KDM7A: variants seen among roughly 807,000 people sequenced by gnomAD.
KDM7A encodes the protein lysine demethylase 7A.
In KDM7A, 28 loss-of-function variants were observed where a neutral mutation model predicts 114.8. That is an observed-to-expected ratio of 0.24 (90% CI 0.18 to 0.33). KDM7A has a LOEUF of 0.33. Ranked by LOEUF, KDM7A falls within the 10% of genes least tolerant of loss-of-function variation. The pLI, the probability that KDM7A is intolerant of heterozygous loss-of-function variation, is 1.00. For synonymous variants in KDM7A, 423 were observed against 397.8 expected, an observed-to-expected ratio of 1.06 and a Z score of -0.75; for missense variants, 942 against 1,142.5, an observed-to-expected ratio of 0.82 and a Z score of 2.53.
intron 1 of KDM7A, among the ~76,000 whole-genome samples, chr7:140,167,959 T>A (rs916802928): frequency 2.0e-5 from 3 of 151,676 alleles, no homozygotes; most frequent in Non-Finnish European, 4.4e-5. Flanking sequence ...GAAAAAAAAA[T>A]GTAACCAGAT....
chr7:140,097,869 T>C (rs1302077069), intron 14 of KDM7A, among the ~76,000 whole-genome samples: 2 of 152,244 alleles, frequency 1.3e-5, no homozygotes, highest in African/African-American at 2.4e-5. Context: ...AAGTGTGGTA[T>C]TTCCATAATT....
chr7:140,162,926 G>A (rs1006418238), intron 1 of KDM7A, among the ~76,000 whole-genome samples: 9 of 151,578 alleles, frequency 5.9e-5, no homozygotes, highest in African/African-American at 2.2e-4. Context: ...TGTACATGCT[G>A]ATATGAGAAG....
At position 140,125,051 on chromosome 7, in the gene KDM7A, C is replaced by T. The variant is rs1452140506; in HGVS notation, c.889-268G>A. Reference sequence around the variant, plus strand: ...TGCAAGACAGGAGGGCAGAGAAGCACAAACATCCCACTGACCTCCTCTCAT... The same window carrying T: ...TGCAAGACAGGAGGGCAGAGAAGCATAAACATCCCACTGACCTCCTCTCAT... On this transcript the variant is annotated intron_variant, in intron 6 of 19. Transcript: ENST00000397560. Among the ~76,000 whole-genome samples the T allele has an allele frequency of 1.3e-5, 2 of 152,162 alleles. 1 individual carries two copies. The highest frequency in any genetic ancestry group is 2.9e-5 in the Non-Finnish European group (2 of 68,012).
chr7:140,139,785 T>TA (rs1341464526), intron 1 of KDM7A, among the ~76,000 whole-genome samples: 1 of 152,106 alleles, frequency 6.6e-6, no homozygotes, highest in African/African-American at 2.4e-5. Context: ...TTGAAAAGAT[T>TA]AACAAAGCTG....
chr7:140,099,659 G>A (rs981048136), intron 13 of KDM7A, among the ~76,000 whole-genome samples: 1 of 152,148 alleles, frequency 6.6e-6, no homozygotes, highest in Admixed American at 6.5e-5. Flanking sequence ...GATTGTCATA[G>A]GAGCGTGAAC....
chr7:140,119,257 G>A, intron 8 of KDM7A, 38 bp from the exon 9 acceptor site: 1 of 1,158,694 alleles, frequency 8.6e-7, no homozygotes, highest in South Asian at 1.5e-5. Context: ...ATTAATATTA[G>A]AATTTCAAAG....
At chr7:140,151,099 G>A (rs975250128) in intron 1 of KDM7A, among the ~76,000 whole-genome samples, 7 of 151,998 alleles carry the variant, frequency 4.6e-5, no homozygotes, top group African/African-American at 1.7e-4. Context: ...CCAAAGTGCT[G>A]GGATTACAGG....
At chr7:140,096,086 G>C (rs1035886848) in intron 17 of KDM7A, among the ~76,000 whole-genome samples, 1 of 152,026 alleles carries the variant, frequency 6.6e-6, no homozygotes, top group Admixed American at 6.6e-5. Flanking sequence ...AACACTATGT[G>C]GCATGCCTAA....
In KDM7A at chr7:140,100,748, A is replaced by T. The variant is rs1325807129; in HGVS notation, c.1639-725T>A. 2.6e-3 allele frequency among the ~76,000 whole-genome samples: 128 copies of T among 49,658 alleles called. 2 individuals are homozygous for T. Among genetic ancestry groups the T allele is most frequent in the African/African-American group, 9.6e-3 (86 of 8,980 alleles). 32.6% of individuals were successfully genotyped at this position (49,658 alleles called of 152,430 possible). On this transcript the variant is annotated intron_variant, in intron 12 of 19. Transcript: ENST00000397560. ...TATATATATATATATATATACATAT[A>T]TATTTTTTTGTTTGTTTGTTTGTTT...
chr7:140,109,580 T>G lies in KDM7A; in HGVS notation c.1428+1515A>C, dbSNP rs115411491. 4.9e-3 allele frequency among the ~76,000 whole-genome samples: 740 copies of G among 152,334 alleles called. 9 individuals are homozygous for G. The highest frequency in any genetic ancestry group is 0.017 in the African/African-American group (702 of 41,570). ...TACCTGTTTGAGTCCCTGCTATCAA[T>G]TCTTTTAGGTATATAGCCAGGACTT... On this transcript the variant is annotated intron_variant, in intron 11 of 19. Transcript: ENST00000397560.
chr7:140,138,412 T>G (rs1449463394), intron 2 of KDM7A, among the ~76,000 whole-genome samples: 1 of 152,210 alleles, frequency 6.6e-6, no homozygotes, highest in Non-Finnish European at 1.5e-5. Flanking sequence ...TAAAAGATTC[T>G]GAAGCATCTG....
intron 5 of KDM7A, 26 bp downstream of exon 5, chr7:140,127,416 A>T (rs779658852): frequency 3.1e-6 from 5 of 1,596,040 alleles, no homozygotes. Flanking sequence ...TCAGAATGCT[A>T]AACCAAAATA....
rs896988134 is a variant in KDM7A, at chr7:140,090,741, T to TA, written c.*352dup. 8.9e-4 allele frequency: 182 copies of TA among 205,114 alleles called. 1 individual carries two copies. Among genetic ancestry groups the TA allele is most frequent in the Middle Eastern group, 5.1e-3 (3 of 592 alleles). 12.7% of individuals were successfully genotyped at this position (205,114 alleles called of 1,614,324 possible). A position where few individuals can be genotyped will look rare whatever the true frequency, so the allele number is the denominator to read the frequency against. On this transcript the variant is annotated 3_prime_UTR_variant, in exon 20 of 20. Transcript: ENST00000397560. The stretch of plus-strand genomic sequence containing the variant: ...AAAAGAATTTAAAAGCTGTTAACTT[T>TA]AAAAAAAAATCTGTTAAATAAATTA...
Position 140,096,708 on chromosome 7 carries a change from T to C in KDM7A, c.2221A>G (p.Met741Val), listed in dbSNP as rs776604103. 2.9e-5 allele frequency: 47 copies of C among 1,614,080 alleles called. No individual in the cohort carries two copies. The highest frequency in any genetic ancestry group is 2.9e-4 in the South Asian group (26 of 91,092). ...EEEAIQGMLSMAGLHYSTCLQ... is the reference protein window; with the variant it reads ...EEEAIQGMLSVAGLHYSTCLQ... ...CACGTGGAATAGTGCAACCCTGCCA[T>C]AGACAGCATGCCCTGAATAGCTTCT... The change falls in exon 17 of 20, where the codon ATG becomes GTG. Residue 741 changes from methionine (M) to valine (V), a missense_variant. This residue lies in a region of KDM7A where 512 missense variants were observed against 576.6 expected (regional missense o/e 0.89). Coordinates refer to ENST00000397560, the MANE Select transcript of KDM7A (RefSeq NM_030647.2).
Position 140,163,313 on chromosome 7 carries a change from A to G in KDM7A, c.194+13431T>C, listed in dbSNP as rs191620505. 3.3e-3 allele frequency among the ~76,000 whole-genome samples: 474 copies of G among 144,214 alleles called. No individual in the cohort carries two copies. The Middle Eastern group carries it at 0.04, about 12-fold the overall frequency. The allele number at this position is 144,214 out of a possible 152,430, so 94.6% of individuals were successfully genotyped here. A position where few individuals can be genotyped will look rare whatever the true frequency, so the allele number is the denominator to read the frequency against. On this transcript the variant is annotated intron_variant, in intron 1 of 19. Coordinates refer to ENST00000397560, the MANE Select transcript of KDM7A (RefSeq NM_030647.2). ...CTGGCACCAGGTCTTTTTAACAGAC[A>G]GTCTTGCTCTATCACCCAGGCTGGA...
intron 1 of KDM7A, among the ~76,000 whole-genome samples, chr7:140,152,190 G>C (rs1453908189): frequency 6.6e-6 from 1 of 152,124 alleles, no homozygotes; most frequent in African/African-American, 2.4e-5. Context: ...AACATTCTAA[G>C]GAGAACTTAA....
chr7:140,141,361 A>AC (rs573277509), intron 1 of KDM7A, among the ~76,000 whole-genome samples: 87 of 149,410 alleles, frequency 5.8e-4, no homozygotes, highest in South Asian at 5.1e-3. Context: ...AACAAAACAA[A>AC]CCCCCCCCAC....
At chr7:140,175,784 C>T (rs904634294) in intron 1 of KDM7A, among the ~76,000 whole-genome samples, 8 of 150,690 alleles carry the variant, frequency 5.3e-5, no homozygotes, top group Admixed American at 2.0e-4. Flanking sequence ...CAGCCGGCCC[C>T]GCAGCGTCCG....
At chr7:140,130,714 T>A (rs186190293) in intron 3 of KDM7A, among the ~76,000 whole-genome samples, 6 of 152,254 alleles carry the variant, frequency 3.9e-5, no homozygotes, top group Non-Finnish European at 7.4e-5. Flanking sequence ...TAATGGAACA[T>A]AGAACAATTA....
Sources: allele counts gnomAD v4.1 joint callset (sites outside exome capture counted in the v4.1 genomes callset), GRCh38; gene constraint gnomAD v4.1.1; regional missense constraint gnomAD v4.1.1; transcripts MANE v1.5; gene names NCBI Gene and HGNC (gene_info 2026-07-23, HGNC 2026-07-21).